TAOK3: variants seen among roughly 807,000 people sequenced by gnomAD.
The protein encoded by TAOK3 is serine/threonine-protein kinase TAO3.
TAOK3 carries 40 observed loss-of-function variants against 120.4 expected under a neutral mutation model. The ratio of observed to expected loss-of-function variants is 0.33; its 90% CI spans 0.26 to 0.43. The LOEUF (loss-of-function observed/expected upper bound fraction) is 0.43. TAOK3 is among the 20% of genes least tolerant of loss of function. The probability of loss-of-function intolerance (pLI) is 1.00; values close to 1 mark genes in which losing one functional copy is unlikely to be tolerated. For missense variants in TAOK3, 821 were observed against 1,112.1 expected (o/e 0.74, Z 3.72); for synonymous variants, 355 against 387.5 (o/e 0.92, Z 0.99).
At position 118,244,977 on chromosome 12, in the gene TAOK3, G is replaced by A. The variant is rs1481006986; in HGVS notation, c.121-12C>T. On this transcript the variant is annotated splice_polypyrimidine_tract_variant and intron_variant, in intron 3 of 20. Transcript: ENST00000392533. ...TGAGCATTTGTAGCCTGTGTTAAGA[G>A]GGTAGAAGAAAAAGAAAAAGAATTA... The A allele has an allele frequency of 8.2e-6, 13 of 1,581,466 alleles. No individual in the cohort carries two copies. The highest frequency in any genetic ancestry group is 1.1e-5 in the Non-Finnish European group (13 of 1,156,360).
intron 1 of TAOK3, among the ~76,000 whole-genome samples, chr12:118,343,053 T>C (rs11830745): frequency 6.6e-6 from 1 of 150,912 alleles, no homozygotes; most frequent in African/African-American, 2.4e-5. Flanking sequence ...AAACTATCAG[T>C]GGTTCCTGCT....
Position 118,372,669 on chromosome 12 carries a change from C to G in TAOK3, c.-215G>C. ...TCACCTCAGACCTGCTGTCACCACC[C>G]CCGGGCCCGGCGCCGCCGCCGCCGC... On this transcript the variant is annotated 5_prime_UTR_variant, in exon 1 of 21. Coordinates refer to ENST00000392533, the MANE Select transcript of TAOK3 (RefSeq NM_016281.4). This position sits in a 1 kb window ranked among gnomAD's most constrained non-coding sequence, Gnocchi z 4.6. The G allele has an allele frequency of 6.3e-6, 1 of 158,426 alleles. No individual in the cohort carries two copies. The highest frequency in any genetic ancestry group is 1.4e-5 in the Non-Finnish European group (1 of 72,338). 9.8% of individuals were successfully genotyped at this position (158,426 alleles called of 1,614,324 possible).
chr12:118,255,785 T>C, intron 2 of TAOK3, 130 bp from the exon 3 acceptor site: 1 of 466,552 alleles, frequency 2.1e-6, no homozygotes, highest in Non-Finnish European at 3.6e-6. Flanking sequence ...AAAACCCAAA[T>C]AAAGAATGGA....
At chr12:118,318,275 A>G (rs1037945306) in intron 1 of TAOK3, among the ~76,000 whole-genome samples, 3 of 150,492 alleles carry the variant, frequency 2.0e-5, no homozygotes, top group African/African-American at 7.4e-5. Flanking sequence ...CTCCTGCCTT[A>G]GCCTCCCAAG....
chr12:118,214,578 C>CTT (rs34183512), intron 9 of TAOK3, among the ~76,000 whole-genome samples: 30 of 140,528 alleles, frequency 2.1e-4, no homozygotes, highest in African/African-American at 5.2e-4. Flanking sequence ...TAAAATGCAA[C>CTT]TTTTTTTTTT....
chr12:118,206,593 GT>G (rs939382245), intron 11 of TAOK3, among the ~76,000 whole-genome samples: 4 of 150,886 alleles, frequency 2.7e-5, no homozygotes, highest in Non-Finnish European at 4.4e-5. Context: ...TCTCCTCATT[GT>G]TTTTTTTTAT....
chr12:118,182,322 A>G (rs552800452), intron 14 of TAOK3, among the ~76,000 whole-genome samples: 1 of 152,200 alleles, frequency 6.6e-6, no homozygotes, highest in East Asian at 1.9e-4. Context: ...CCATCTCTGT[A>G]TAACTCCAGA....
At chr12:118,179,061 G>GA (rs1467162425) in intron 15 of TAOK3, among the ~76,000 whole-genome samples, 1 of 152,190 alleles carries the variant, frequency 6.6e-6, no homozygotes, top group Non-Finnish European at 1.5e-5. Flanking sequence ...CAAATCCCAA[G>GA]AAAGAATCTG....
In TAOK3 at chr12:118,255,473, T is replaced by G; in HGVS notation, c.95A>C (p.His32Pro). 1 of 1,614,142 alleles carries G rather than the reference T, an allele frequency of 6.2e-7. No individual in the cohort carries two copies. The highest frequency in any genetic ancestry group is 8.5e-7 in the Non-Finnish European group (1 of 1,180,012). The change falls in exon 3 of 21, where the codon CAT (histidine) becomes CCT (proline). Residue 32 changes from histidine to proline, a missense_variant. Coordinates refer to ENST00000392533, the MANE Select transcript of TAOK3 (RefSeq NM_016281.4). ...AAAATAAACTGCTCCAAAACTTCCA[T>G]GTCCAATTTCATGCAAACCAATAAA... ...ELFIGLHEIG[H>P]GSFGAVYFAT...
chr12:118,164,679 A>G (rs1183017264), intron 17 of TAOK3, among the ~76,000 whole-genome samples: 20 of 152,150 alleles, frequency 1.3e-4, no homozygotes, highest in Non-Finnish European at 4.4e-5. Context: ...CGGCCTTTCA[A>G]AGTGCTGGGA....
chr12:118,295,490 C>T (rs2042644569), intron 1 of TAOK3: 1 of 152,142 alleles, frequency 6.6e-6, no homozygotes, highest in East Asian at 1.9e-4. Context: ...CCTCTCTTTC[C>T]TCTCTTTATT....
At chr12:118,345,547 C>T (rs2044819434) in intron 1 of TAOK3, among the ~76,000 whole-genome samples, 1 of 152,128 alleles carries the variant, frequency 6.6e-6, no homozygotes, top group Non-Finnish European at 1.5e-5. Context: ...AAGATAAGTG[C>T]ATGCTTTCAA....
At chr12:118,195,557 G>A (rs1016726876) in intron 13 of TAOK3, among the ~76,000 whole-genome samples, 13 of 152,192 alleles carry the variant, frequency 8.5e-5, no homozygotes, top group Admixed American at 2.0e-4. Context: ...TTTGTTGAGC[G>A]CTTACTATGT....
chr12:118,344,943 T>C (rs1477490004), intron 1 of TAOK3, among the ~76,000 whole-genome samples: 1 of 152,174 alleles, frequency 6.6e-6, no homozygotes, highest in Non-Finnish European at 1.5e-5. Context: ...CCCATGCCCC[T>C]CTTCACCTTG....
chr12:118,251,839 TG>T (rs1427598620), intron 3 of TAOK3, among the ~76,000 whole-genome samples: 89 of 151,758 alleles, frequency 5.9e-4, no homozygotes, highest in African/African-American at 2.1e-3. Flanking sequence ...TTTTTTTTTT[TG>T]AGACAGAGTC....
intron 8 of TAOK3, among the ~76,000 whole-genome samples, chr12:118,234,252 G>A (rs1233500278): frequency 2.7e-4 from 14 of 52,452 alleles, no homozygotes; most frequent in African/African-American, 8.1e-4. Flanking sequence ...TTTTTGAGAC[G>A]GAGTCTGGCT....
At chr12:118,193,469 A>T (rs1460154408) in intron 13 of TAOK3, among the ~76,000 whole-genome samples, 1 of 152,250 alleles carries the variant, frequency 6.6e-6, no homozygotes, top group African/African-American at 2.4e-5. Context: ...AAACATGTGA[A>T]GCATGAGGCA....
intron 11 of TAOK3, among the ~76,000 whole-genome samples, chr12:118,206,849 C>T (rs1040007954): frequency 6.6e-6 from 1 of 152,034 alleles, no homozygotes; most frequent in Non-Finnish European, 1.5e-5. Flanking sequence ...CCCACCTCAG[C>T]CTCCAAAAGT....
intron 11 of TAOK3, among the ~76,000 whole-genome samples, chr12:118,210,878 A>T (rs2038592090): frequency 6.6e-6 from 1 of 151,720 alleles, no homozygotes. Flanking sequence ...AGCTGGGAAT[A>T]TAGGTGCCTG....
Sources: gnomAD v4.1 joint callset for allele counts (sites outside exome capture counted in the v4.1 genomes callset) on GRCh38, gnomAD v4.1.1 for gene constraint, Gnocchi (gnomAD v3.1) non-coding constraint, MANE v1.5 for transcripts, NCBI Gene and HGNC (gene_info 2026-07-23, HGNC 2026-07-21) for gene names.